The following ZFHX3 variants were observed in gnomAD, a reference collection of about 807,000 sequenced individuals.
ZFHX3 encodes zinc finger homeobox 3, also known as zinc finger homeobox protein 3.
Under a neutral mutation model 279.1 loss-of-function variants are expected in ZFHX3, and 42 were observed. That is an observed-to-expected ratio of 0.15 (90% CI 0.12 to 0.19). ZFHX3 has a LOEUF of 0.19. Ranked by LOEUF, ZFHX3 falls within the 10% of genes least tolerant of loss-of-function variation. The probability of loss-of-function intolerance (pLI) is 1.00; values close to 1 mark genes in which losing one functional copy is unlikely to be tolerated. For synonymous variants in ZFHX3, 2,293 were observed against 1,957.8 expected (o/e 1.17, Z -4.52); for missense variants, 4,981 against 4,754.0 (o/e 1.05, Z -1.40).
At chr16:72,825,515 T>C (rs1055582923) in intron 5 of ZFHX3, among the ~76,000 whole-genome samples, 1 of 152,206 alleles carries the variant, frequency 6.6e-6, no homozygotes, top group Non-Finnish European at 1.5e-5. Flanking sequence ...GTGCTAGAGA[T>C]TCTTACCTTC....
intron 3 of ZFHX3, among the ~76,000 whole-genome samples, chr16:73,327,633 A>G (rs2015718425): frequency 6.6e-6 from 1 of 152,236 alleles, no homozygotes; most frequent in African/African-American, 2.4e-5. Flanking sequence ...TTGAAAGACA[A>G]TGACAAGATT....
intron 2 of ZFHX3, among the ~76,000 whole-genome samples, chr16:73,662,208 C>T (rs1240178139): frequency 6.6e-6 from 1 of 152,128 alleles, no homozygotes; most frequent in Non-Finnish European, 1.5e-5. Context: ...GTTAAATCAA[C>T]TAGTTACTAA....
chr16:73,667,292 A>G (rs1389165971), intron 2 of ZFHX3, among the ~76,000 whole-genome samples: 1 of 152,114 alleles, frequency 6.6e-6, no homozygotes, highest in Non-Finnish European at 1.5e-5. Flanking sequence ...ACCCAGCTGG[A>G]TATGCAACTA....
intron 3 of ZFHX3, among the ~76,000 whole-genome samples, chr16:72,890,660 C>T (rs75625247): frequency 1.3e-5 from 2 of 152,232 alleles, no homozygotes; most frequent in Admixed American, 1.3e-4. Context: ...CAGTGCAACA[C>T]CGGCTTTCCT....
chr16:73,872,675 G>A (rs990595275), intron 1 of ZFHX3, among the ~76,000 whole-genome samples: 1 of 145,734 alleles, frequency 6.9e-6, no homozygotes, highest in African/African-American at 2.6e-5. Flanking sequence ...CTCTCCATGT[G>A]GGGCTTCCAT....
At chr16:73,379,328 A>T (rs148943903) in intron 3 of ZFHX3, among the ~76,000 whole-genome samples, 2 of 151,996 alleles carry the variant, frequency 1.3e-5, no homozygotes, top group African/African-American at 4.8e-5. Context: ...CCAAGCCCCA[A>T]TCTCAGCACA....
At chr16:73,112,481 G>A (rs957697954) in intron 7 of ZFHX3, among the ~76,000 whole-genome samples, 1 of 152,060 alleles carries the variant, frequency 6.6e-6, no homozygotes, top group South Asian at 2.1e-4. Context: ...GGGAGGCTGA[G>A]GTGGGTGGAT....
intron 1 of ZFHX3, among the ~76,000 whole-genome samples, chr16:73,721,896 C>T (rs66726292): frequency 0.059 from 8,997 of 152,098 alleles, 376 homozygotes; most frequent in African/African-American, 0.11. Context: ...ATTACAAAAA[C>T]TAGCCAGATG....
intron 5 of ZFHX3, among the ~76,000 whole-genome samples, chr16:73,194,931 AGG>A (rs1440161919): frequency 2.6e-5 from 4 of 152,210 alleles, no homozygotes; most frequent in African/African-American, 9.6e-5. Flanking sequence ...TTTATAGGCT[AGG>A]GTTTGCAAGA....
At chr16:73,054,309 G>T (rs1965504329) in intron 1 of ZFHX3, among the ~76,000 whole-genome samples, 1 of 152,098 alleles carries the variant, frequency 6.6e-6, no homozygotes, top group South Asian at 2.1e-4. Flanking sequence ...GCTCGCAGGG[G>T]ACAGGACATT....
At chr16:73,868,953 C>T (rs1469688666) in intron 1 of ZFHX3, among the ~76,000 whole-genome samples, 2 of 152,118 alleles carry the variant, frequency 1.3e-5, no homozygotes, top group African/African-American at 4.8e-5. Flanking sequence ...ATCTTCTTTA[C>T]ACCATTTCCT....
intron 1 of ZFHX3, among the ~76,000 whole-genome samples, chr16:73,698,459 A>C (rs1277080304): frequency 6.6e-6 from 1 of 152,216 alleles, no homozygotes; most frequent in African/African-American, 2.4e-5. Flanking sequence ...GATATCACCA[A>C]GGGAAAATTA....
At chr16:73,322,127 C>G (rs575730208) in intron 3 of ZFHX3, among the ~76,000 whole-genome samples, 1 of 152,282 alleles carries the variant, frequency 6.6e-6, no homozygotes, top group East Asian at 1.9e-4. Flanking sequence ...ACACACAGCT[C>G]GGAGAGCAGA....
intron 2 of ZFHX3, chr16:73,483,194 G>A (rs74984198): frequency 2.9e-6 from 1 of 347,924 alleles, no homozygotes; most frequent in African/African-American, 2.2e-5. Flanking sequence ...CCCGGAGGAA[G>A]AGAACGCGTG....
intron 4 of ZFHX3, among the ~76,000 whole-genome samples, chr16:72,874,759 G>A (rs1296526792): frequency 6.6e-6 from 1 of 152,110 alleles, no homozygotes; most frequent in African/African-American, 2.4e-5. Flanking sequence ...CTCCCAAAGT[G>A]CTGGCATTGC....
At chr16:73,165,406 T>G (rs1025728929) in intron 5 of ZFHX3, among the ~76,000 whole-genome samples, 1 of 152,184 alleles carries the variant, frequency 6.6e-6, no homozygotes, top group Non-Finnish European at 1.5e-5. Flanking sequence ...CCCACTTCAA[T>G]CAGCTGCAAG....
At chr16:73,859,483 T>C (rs556013477) in intron 1 of ZFHX3, among the ~76,000 whole-genome samples, 17 of 152,278 alleles carry the variant, frequency 1.1e-4, no homozygotes, top group African/African-American at 3.6e-4. Flanking sequence ...ATTAACTGGG[T>C]GTATGACCTT....
chr16:73,473,038 A>G (rs2018696397), intron 2 of ZFHX3, among the ~76,000 whole-genome samples: 2 of 151,340 alleles, frequency 1.3e-5, no homozygotes, highest in African/African-American at 2.4e-5. Context: ...CCCTGGATGA[A>G]GATGTATCAG....
intron 2 of ZFHX3, among the ~76,000 whole-genome samples, chr16:73,606,105 C>A (rs1223676921): frequency 2.1e-5 from 3 of 141,072 alleles, no homozygotes; most frequent in African/African-American, 8.1e-5. Flanking sequence ...CGGCGTGAAC[C>A]CGGGAGGTGG....
Sources: gnomAD v4.1 joint callset for allele counts (sites outside exome capture counted in the v4.1 genomes callset) on GRCh38, gnomAD v4.1.1 for gene constraint, MANE v1.5 for transcripts, NCBI Gene and HGNC (gene_info 2026-07-23, HGNC 2026-07-21) for gene names.